PKP2: variants seen among roughly 807,000 people sequenced by gnomAD.
PKP2 encodes the protein plakophilin 2, also known as plakophilin-2.
A neutral mutation model predicts 83.4 loss-of-function variants in PKP2; 73 were observed. That is an observed-to-expected ratio of 0.88 (90% CI 0.72 to 1.06). PKP2 has a LOEUF of 1.06. Among genes scored for constraint, PKP2 ranks in the 50% least tolerant of loss-of-function variants. The pLI, the probability that PKP2 is intolerant of heterozygous loss-of-function variation, is 0.00. For synonymous variants in PKP2, 409 were observed against 430.4 expected (o/e 0.95, Z 0.62); for missense variants, 966 against 1,065.4 (o/e 0.91, Z 1.30).
intron 9 of PKP2, among the ~76,000 whole-genome samples, chr12:32,803,943 C>A (rs967716873): frequency 1.3e-5 from 2 of 152,166 alleles, no homozygotes; most frequent in Admixed American, 1.3e-4. Flanking sequence ...TCATGTACTA[C>A]TGATAAGCAA....
chr12:32,873,364 C>G (rs1428936869), intron 3 of PKP2, among the ~76,000 whole-genome samples: 1 of 152,132 alleles, frequency 6.6e-6, no homozygotes, highest in African/African-American at 2.4e-5. Flanking sequence ...TCCCAAAGTG[C>G]TGGGATTACA....
At chr12:32,828,699 C>T (rs1474858440) in intron 6 of PKP2, among the ~76,000 whole-genome samples, 1 of 152,098 alleles carries the variant, frequency 6.6e-6, no homozygotes, top group Non-Finnish European at 1.5e-5. Flanking sequence ...GTCAAATATG[C>T]TTAATTGACC....
At position 32,790,773 on chromosome 12, in the gene PKP2, C is replaced by T. The variant is rs1053179209; in HGVS notation, c.*1651G>A. On this transcript the variant is annotated 3_prime_UTR_variant, in exon 13 of 13. Coordinates refer to ENST00000340811, the MANE Select transcript of PKP2 (RefSeq NM_001005242.3). ...GGTCTCATTTTGTATTTAATATTAT[C>T]GAAGGCTTTATTAATGCCTTAAAAA... The T allele has an allele frequency of 2.0e-5, 3 of 152,078 alleles. No homozygotes were observed. The highest frequency in any genetic ancestry group is 4.4e-5 in the Non-Finnish European group (3 of 68,024). The allele number at this position is 152,078 out of a possible 1,614,324, so 9.4% of individuals were successfully genotyped here. A position where few individuals can be genotyped will look rare whatever the true frequency, so the allele number is the denominator to read the frequency against.
rs1193697338 is a variant in PKP2, at chr12:32,878,498, C to T, written c.382G>A (p.Ala128Thr). The T allele has an allele frequency of 1.9e-6, 3 of 1,612,492 alleles. No individual in the cohort carries two copies. The African/African-American group carries it at 4.0e-5, about 22-fold the overall frequency. ...TYEGRWGRGT[A>T]QYSSQKSVEE... ...ACGGACTTCTGGGAGCTGTACTGTG[C>T]TGTTCCTCTTCCCCAGCGACCTTCA... is the stretch of plus-strand genomic sequence containing the variant. Residue 128 changes from alanine to threonine, a missense_variant, in exon 3 of 13, where the codon GCA (alanine) becomes ACA (threonine). By Grantham distance (58) the Ala-to-Thr change is moderately conservative. Transcript: ENST00000340811.
chr12:32,892,819 G>GGGGC (rs1957085971), intron 1 of PKP2, among the ~76,000 whole-genome samples: 1 of 23,636 alleles, frequency 4.2e-5, no homozygotes, highest in Non-Finnish European at 1.2e-4. Flanking sequence ...GGGTGGGGGC[G>GGGGC]GGGGGGGGGG....
intron 1 of PKP2, 136 bp from the exon 2 acceptor site, chr12:32,879,168 T>A: frequency 3.0e-6 from 2 of 677,644 alleles, no homozygotes; most frequent in South Asian, 3.2e-5. Context: ...CGTACGTTAA[T>A]GTTTTTAAAT....
rs778151977 is a variant in PKP2 at position 32,878,433 on chromosome 12, C to T, written c.447G>A (p.Glu149=). The change falls in exon 3 of 13, where the codon GAG becomes GAA. Residue 149 remains glutamate, a synonymous_variant. Transcript: ENST00000340811. ...RSLRHPLRRL[E]ISPDSSPERA... is the part of the protein sequence containing the mutation. ...TCTCCGGGCTGCTGTCAGGAGAAAT[C>T]TCCAGTCTCCTCAGAGGATGCCTCA... 6.2e-7 allele frequency: 1 copy of T among 1,614,074 alleles called. No individual in the cohort carries two copies. The highest frequency in any genetic ancestry group is 8.5e-7 in the Non-Finnish European group (1 of 1,179,942).
intron 6 of PKP2, among the ~76,000 whole-genome samples, chr12:32,839,767 C>T (rs754101683): frequency 2.6e-5 from 4 of 152,132 alleles, no homozygotes; most frequent in African/African-American, 9.7e-5. Flanking sequence ...AACTTTAAGA[C>T]GTGAAATATG....
At chr12:32,862,716 C>A (rs564793510) in intron 4 of PKP2, among the ~76,000 whole-genome samples, 10 of 152,144 alleles carry the variant, frequency 6.6e-5, no homozygotes, top group Admixed American at 1.3e-4. Context: ...CTAATCCCTG[C>A]ACTTTGGGAG....
chr12:32,873,467 TC>T (rs1956910105), intron 3 of PKP2, among the ~76,000 whole-genome samples: 2 of 152,030 alleles, frequency 1.3e-5, no homozygotes. Context: ...TGATGATATA[TC>T]CTATTTTTCA....
intron 10 of PKP2, among the ~76,000 whole-genome samples, chr12:32,798,929 A>C (rs925018801): frequency 2.0e-5 from 3 of 152,248 alleles, no homozygotes; most frequent in African/African-American, 7.2e-5. Context: ...ATCCAATTAA[A>C]CTAAAAAGCT....
intron 1 of PKP2, among the ~76,000 whole-genome samples, chr12:32,887,014 A>T (rs538155052): frequency 2.0e-5 from 3 of 152,082 alleles, no homozygotes; most frequent in Admixed American, 2.0e-4. Context: ...AAGGAAAAAA[A>T]AAAAGGGAAC....
At chr12:32,838,258 A>G (rs1956560339) in intron 6 of PKP2, among the ~76,000 whole-genome samples, 2 of 152,220 alleles carry the variant, frequency 1.3e-5, no homozygotes, top group South Asian at 4.1e-4. Flanking sequence ...TCTCACTTAA[A>G]AATGGGAGCT....
Position 32,858,064 on chromosome 12 carries a change from C to CAAAA in PKP2, c.1171-7095_1171-7092dup, listed in dbSNP as rs777690496. On this transcript the variant is annotated intron_variant, in intron 4 of 12. Coordinates refer to ENST00000340811, the MANE Select transcript of PKP2 (RefSeq NM_001005242.3). ...GGAACACAGGGAGACCCCATCTCTACAAAAAAAAAAAAAAAAAAAAATATA... is the reference window on the plus strand; with the variant it reads ...GGAACACAGGGAGACCCCATCTCTACAAAAAAAAAAAAAAAAAAAAAAAAATATA... Among the ~76,000 whole-genome samples the CAAAA allele has an allele frequency of 8.0e-4, 22 of 27,368 alleles. 1 individual carries two copies. The highest frequency in any genetic ancestry group is 1.8e-3 in the African/African-American group (14 of 7,730). 18.0% of individuals were successfully genotyped at this position (27,368 alleles called of 152,430 possible). A position where few individuals can be genotyped will look rare whatever the true frequency, so the allele number is the denominator to read the frequency against.
rs191286856 is a variant in PKP2 at position 32,809,619 on chromosome 12, C to T, written c.2014-7063G>A. Among the ~76,000 whole-genome samples, 295 of 152,328 alleles carry T rather than the reference C, an allele frequency of 1.9e-3. 1 individual carries two copies. Among genetic ancestry groups the T allele is most frequent in the South Asian group, 4.3e-3 (21 of 4,828 alleles). ...GGATCTGTCACCTTGCTGGAAATTCCGGGGCCGGAGTATGTAAAACTCTTG... is the reference window on the plus strand; with the variant it reads ...GGATCTGTCACCTTGCTGGAAATTCTGGGGCCGGAGTATGTAAAACTCTTG... On this transcript the variant is annotated intron_variant, in intron 9 of 12. Coordinates refer to ENST00000340811, the MANE Select transcript of PKP2 (RefSeq NM_001005242.3).
chr12:32,848,094 C>T lies in PKP2; in HGVS notation c.1378+2672G>A, dbSNP rs1956663976. Among the ~76,000 whole-genome samples, 4 of 152,170 alleles carry T rather than the reference C, an allele frequency of 2.6e-5. No individual in the cohort carries two copies. In the South Asian group the frequency reaches 8.3e-4, roughly 32 times the overall value. On this transcript the variant is annotated intron_variant, in intron 5 of 12. Transcript: ENST00000340811. Reference sequence around the variant, plus strand: ...ACAAATCATGGATATGAAAAGAAATCCCTCATGGGACCTGACAGAATGCTG... The same window carrying T: ...ACAAATCATGGATATGAAAAGAAATTCCTCATGGGACCTGACAGAATGCTG...
At chr12:32,891,877 TTTG>T (rs1221003553) in intron 1 of PKP2, among the ~76,000 whole-genome samples, 1 of 152,214 alleles carries the variant, frequency 6.6e-6, no homozygotes, top group Admixed American at 6.5e-5. Flanking sequence ...TGAAGTTTTT[TTTG>T]TTGTTGTTGT....
In PKP2 at chr12:32,792,267, TA is replaced by T. The variant is rs1956075042; in HGVS notation, c.*156del. On this transcript the variant is annotated 3_prime_UTR_variant, in exon 13 of 13. Coordinates refer to ENST00000340811, the MANE Select transcript of PKP2 (RefSeq NM_001005242.3). ...TTGCAAAGGTCTTCTGGAAGACTCATAAAATTATGTTCTATTTGTTTTCTGG... is the reference window on the plus strand; with the variant it reads ...TTGCAAAGGTCTTCTGGAAGACTCATAAATTATGTTCTATTTGTTTTCTGG... 5 of 700,148 alleles carry T rather than the reference TA, an allele frequency of 7.1e-6. No homozygotes were observed. The East Asian group carries it at 1.4e-4, about 19-fold the overall frequency. 43.4% of individuals were successfully genotyped at this position (700,148 alleles called of 1,614,324 possible).
At chr12:32,895,753 T>G (rs936531701) in intron 1 of PKP2, among the ~76,000 whole-genome samples, 2 of 152,246 alleles carry the variant, frequency 1.3e-5, no homozygotes, top group African/African-American at 4.8e-5. Flanking sequence ...TGTGCATGTG[T>G]GTGCTTACAC....
Sources: allele counts gnomAD v4.1 joint callset (sites outside exome capture counted in the v4.1 genomes callset), GRCh38; gene constraint gnomAD v4.1.1; transcripts MANE v1.5; gene names NCBI Gene and HGNC (gene_info 2026-07-23, HGNC 2026-07-21).